ACTR2: variants seen among roughly 807,000 people sequenced by gnomAD.
ACTR2 encodes the protein actin related protein 2.
A neutral mutation model predicts 50.2 loss-of-function variants in ACTR2; 5 were observed. That is an observed-to-expected ratio of 0.10 (90% CI 0.05 to 0.21). The LOEUF (loss-of-function observed/expected upper bound fraction) is 0.21. ACTR2 is among the 10% of genes least tolerant of loss of function. The pLI, the probability that ACTR2 is intolerant of heterozygous loss-of-function variation, is 1.00. For missense variants in ACTR2, 180 were observed against 480.6 expected, an observed-to-expected ratio of 0.37 and a Z score of 5.85; for synonymous variants, 140 against 162.9, an observed-to-expected ratio of 0.86 and a Z score of 1.07.
In ACTR2 at chr2:65,227,856, G is replaced by A. The variant is rs1443324717; in HGVS notation, c.-54G>A. 4 of 1,487,896 alleles carry A rather than the reference G, an allele frequency of 2.7e-6. No homozygotes were observed. The highest frequency in any genetic ancestry group is 2.5e-5 in the South Asian group (2 of 78,934). 92.2% of individuals were successfully genotyped at this position (1,487,896 alleles called of 1,614,324 possible). A position where few individuals can be genotyped will look rare whatever the true frequency, so the allele number is the denominator to read the frequency against. ...GCAAGAGGAAGAAGAGAAAACGGCC[G>A]GGCGGCGGTGGCTGTAGGTTGTGCG... On this transcript the variant is annotated 5_prime_UTR_variant, in exon 1 of 9. Transcript: ENST00000260641.
chr2:65,265,956 G>T (rs1259715262), intron 8 of ACTR2, among the ~76,000 whole-genome samples: 1 of 152,170 alleles, frequency 6.6e-6, no homozygotes, highest in Non-Finnish European at 1.5e-5. Context: ...ATTAAATTGA[G>T]TATGGGCTCA....
chr2:65,235,081 C>A (rs889010900), intron 1 of ACTR2, among the ~76,000 whole-genome samples: 3 of 152,036 alleles, frequency 2.0e-5, no homozygotes, highest in African/African-American at 7.2e-5. Flanking sequence ...AGAACAGATT[C>A]TCTTCCATAT....
chr2:65,227,933 G>A lies in ACTR2; in HGVS notation c.24G>A (p.Val8=). MDSQGRK[V]VVCDNGTGFV... is the part of the protein sequence containing the mutation. Reference sequence around the variant, plus strand: ...CGATGGACAGCCAGGGCAGGAAGGTGGTGGTGTGCGACAACGGCACCGGGG... The same window carrying A: ...CGATGGACAGCCAGGGCAGGAAGGTAGTGGTGTGCGACAACGGCACCGGGG... Residue 8 remains valine, a synonymous_variant, in exon 1 of 9, where the codon GTG becomes GTA. Coordinates refer to ENST00000260641, the MANE Select transcript of ACTR2 (RefSeq NM_005722.4). 7 of 1,524,748 alleles carry A rather than the reference G, an allele frequency of 4.6e-6. No homozygotes were observed. The highest frequency in any genetic ancestry group is 6.2e-6 in the Non-Finnish European group (7 of 1,137,130). 94.5% of individuals were successfully genotyped at this position (1,524,748 alleles called of 1,614,324 possible).
chr2:65,261,166 T>TTTA, intron 6 of ACTR2, 81 bp from the exon 7 acceptor site: 1 of 1,427,130 alleles, frequency 7.0e-7, no homozygotes. Flanking sequence ...AACAGATGTA[T>TTTA]TTATAAGTAC....
At chr2:65,259,497 G>A (rs1356264043) in intron 6 of ACTR2, among the ~76,000 whole-genome samples, 1 of 152,178 alleles carries the variant, frequency 6.6e-6, no homozygotes, top group Non-Finnish European at 1.5e-5. Flanking sequence ...GGGAGGCCAA[G>A]CCAGGCAGAT....
chr2:65,242,373 C>T (rs1671855129), intron 2 of ACTR2, among the ~76,000 whole-genome samples: 1 of 152,038 alleles, frequency 6.6e-6, no homozygotes, highest in Non-Finnish European at 1.5e-5. Flanking sequence ...ATATTAGAAA[C>T]CAGATGGCTT....
At chr2:65,256,940 T>A (rs1369219833) in intron 6 of ACTR2, among the ~76,000 whole-genome samples, 3 of 151,694 alleles carry the variant, frequency 2.0e-5, no homozygotes, top group Non-Finnish European at 4.4e-5. Context: ...CATTTAAAAT[T>A]TTTTTAAATT....
intron 7 of ACTR2, 80 bp from the exon 8 acceptor site, chr2:65,264,963 G>T (rs1672344920): frequency 1.3e-6 from 2 of 1,518,172 alleles, no homozygotes; most frequent in South Asian, 1.2e-5. Flanking sequence ...CAACCCCGAG[G>T]CTGACATAAG....
intron 1 of ACTR2, among the ~76,000 whole-genome samples, chr2:65,234,220 T>G (rs1044897330): frequency 5.9e-5 from 9 of 152,230 alleles, no homozygotes; most frequent in Non-Finnish European, 1.2e-4. Flanking sequence ...CCAATTATTT[T>G]AGTTCTTGTT....
intron 4 of ACTR2, among the ~76,000 whole-genome samples, chr2:65,251,507 A>G (rs1355289570): frequency 6.6e-6 from 1 of 152,168 alleles, no homozygotes; most frequent in Non-Finnish European, 1.5e-5. Context: ...GATTACAGGC[A>G]TGTGCCACCA....
intron 3 of ACTR2, among the ~76,000 whole-genome samples, chr2:65,247,717 C>T (rs964379355): frequency 4.6e-5 from 7 of 152,074 alleles, no homozygotes; most frequent in Admixed American, 1.3e-4. Flanking sequence ...CTTGCTGTCT[C>T]GGGTGGCAGA....
chr2:65,269,046 G>A lies in ACTR2; in HGVS notation c.*312G>A. The A allele has an allele frequency of 4.4e-6, 1 of 227,086 alleles. No homozygotes were observed. The highest frequency in any genetic ancestry group is 8.6e-6 in the Non-Finnish European group (1 of 115,910). 14.1% of individuals were successfully genotyped at this position (227,086 alleles called of 1,614,324 possible). A position where few individuals can be genotyped will look rare whatever the true frequency, so the allele number is the denominator to read the frequency against. On this transcript the variant is annotated 3_prime_UTR_variant, in exon 9 of 9. Transcript: ENST00000260641. ...ATTTTCACTTTACTGCTCTAATGCT[G>A]CTAGTCGTAGTCTTTAGCACACTAG...
At chr2:65,261,187 G>A (rs1414007559) in intron 6 of ACTR2, 60 bp from the exon 7 acceptor site, 1 of 1,557,140 alleles carries the variant, frequency 6.4e-7, no homozygotes, top group African/African-American at 1.4e-5. Flanking sequence ...TAGTGTTCCG[G>A]AGAACACTGG....
intron 2 of ACTR2, chr2:65,241,885 C>T: frequency 4.3e-6 from 3 of 690,240 alleles, no homozygotes; most frequent in South Asian, 3.5e-5. Flanking sequence ...TTAATTTGGC[C>T]CTAATTATTA....
chr2:65,232,756 T>A (rs1031672557), intron 1 of ACTR2, among the ~76,000 whole-genome samples: 1 of 152,226 alleles, frequency 6.6e-6, no homozygotes, highest in Non-Finnish European at 1.5e-5. Flanking sequence ...TTCTTACCAT[T>A]TGATGACTCA....
chr2:65,230,448 G>A (rs1448124222), intron 1 of ACTR2, among the ~76,000 whole-genome samples: 1 of 109,458 alleles, frequency 9.1e-6, no homozygotes, highest in Non-Finnish European at 1.7e-5. Flanking sequence ...ATCTAGCTCT[G>A]TTGCCCAGGC....
At chr2:65,265,243 G>C in intron 8 of ACTR2, 68 bp downstream of exon 8, 1 of 1,576,284 alleles carries the variant, frequency 6.3e-7, no homozygotes, top group Non-Finnish European at 8.7e-7. Context: ...TGTGAATCTT[G>C]ACAACCACCA....
At chr2:65,263,837 C>T (rs1307352048) in intron 7 of ACTR2, among the ~76,000 whole-genome samples, 1 of 150,568 alleles carries the variant, frequency 6.6e-6, no homozygotes, top group Non-Finnish European at 1.5e-5. Context: ...CGGCGAATCA[C>T]GAGGTCAGGA....
At chr2:65,244,774 C>A (rs1173384001) in intron 2 of ACTR2, among the ~76,000 whole-genome samples, 1 of 151,686 alleles carries the variant, frequency 6.6e-6, no homozygotes, top group Non-Finnish European at 1.5e-5. Context: ...ATGGTGAAAC[C>A]CTGTCTCTAC....
Sources: gnomAD v4.1 joint callset for allele counts (sites outside exome capture counted in the v4.1 genomes callset) on GRCh38, gnomAD v4.1.1 for gene constraint, MANE v1.5 for transcripts, NCBI Gene and HGNC (gene_info 2026-07-23, HGNC 2026-07-21) for gene names.